The following KIR2DL4 variants were observed in gnomAD, a reference collection of about 807,000 sequenced individuals.
KIR2DL4 encodes the protein killer cell immunoglobulin-like receptor 2DL4.
Under a neutral mutation model 31.0 loss-of-function variants are expected in KIR2DL4, and 41 were observed. That is an observed-to-expected ratio of 1.32 (90% CI 1.03 to 1.72). The LOEUF is 1.72. Ranked by LOEUF, KIR2DL4 falls within the 40% of genes most tolerant of loss-of-function variation. The probability of loss-of-function intolerance (pLI) is 0.00; values close to 1 mark genes in which losing one functional copy is unlikely to be tolerated. For missense variants in KIR2DL4, 438 were observed against 353.7 expected (o/e 1.24, Z -1.91); for synonymous variants, 164 against 133.6 (o/e 1.23, Z -1.57).
chr19:54,808,097 C>T (rs1335145965), intron 4 of KIR2DL4, among the ~76,000 whole-genome samples: 1 of 150,108 alleles, frequency 6.7e-6, no homozygotes, highest in Non-Finnish European at 1.5e-5. Flanking sequence ...GTTATTAATC[C>T]CATCTCAGAT....
chr19:54,811,487 C>G lies in KIR2DL4; in HGVS notation c.707-1638C>G, dbSNP rs549298662. ...TTCCAATCATCATTTTTCTATTTCT[C>G]TATAATGACTTCTTTGATCCTTTAT... is the stretch of plus-strand genomic sequence containing the variant. On this transcript the variant is annotated intron_variant, in intron 5 of 7. Coordinates refer to ENST00000359085, the Ensembl canonical transcript of KIR2DL4. Among the ~76,000 whole-genome samples, 48 of 151,318 alleles carry G rather than the reference C, an allele frequency of 3.2e-4. 1 individual carries two copies. Among genetic ancestry groups the G allele is most frequent in the African/African-American group, 1.1e-3 (46 of 41,062 alleles).
At chr19:54,806,001 G>T in exon 4 of KIR2DL4, 3 of 1,606,638 alleles carry the variant, frequency 1.9e-6, no homozygotes, top group East Asian at 2.2e-5. Flanking sequence ...CACGGTTCGC[G>T]CAGGAGAGAA....
rs1601117806 is a variant in KIR2DL4 at position 54,804,703 on chromosome 19, A to G, written c.77-90A>G. On this transcript the variant is annotated intron_variant, in intron 2 of 7. Coordinates refer to ENST00000359085, the Ensembl canonical transcript of KIR2DL4. ...CACCCAGGTGTGGTAGGAGCCTTAG[A>G]AAGAAGAAATGGGGAGAATCTTCTG... 3 of 1,408,196 alleles carry G rather than the reference A, an allele frequency of 2.1e-6. No individual in the cohort carries two copies. The East Asian group carries it at 6.9e-5, about 32-fold the overall frequency. The allele number at this position is 1,408,196 out of a possible 1,614,324, so 87.2% of individuals were successfully genotyped here.
Position 54,803,794 on chromosome 19 carries a change from A to G in KIR2DL4, c.41-97A>G, listed in dbSNP as rs550507964. ...GTTCTGAAGCAAGTGAGTGGTGAGG[A>G]TGAGTTAATTTTCAGTCCAGCGTGG... On this transcript the variant is annotated intron_variant, in intron 1 of 7. Coordinates refer to ENST00000359085, the Ensembl canonical transcript of KIR2DL4. 46 of 1,565,322 alleles carry G rather than the reference A, an allele frequency of 2.9e-5. No homozygotes were observed. In the East Asian group the frequency reaches 7.6e-4, roughly 26 times the overall value.
intron 5 of KIR2DL4, among the ~76,000 whole-genome samples, chr19:54,812,277 G>C (rs374382428): frequency 1.3e-5 from 2 of 151,456 alleles, no homozygotes; most frequent in Middle Eastern, 3.4e-3. Context: ...GGGTGAGCCA[G>C]TCCCTCAAGG....
At chr19:54,807,357 A>T (rs2060589959) in intron 4 of KIR2DL4, among the ~76,000 whole-genome samples, 1 of 151,424 alleles carries the variant, frequency 6.6e-6, no homozygotes, top group Admixed American at 6.6e-5. Flanking sequence ...ACTTCAATAC[A>T]CTGAAGTCCT....
At chr19:54,813,180 T>C (rs649216) in exon 6 of KIR2DL4, 704,804 of 1,362,288 alleles carry the variant, frequency 0.52, 208,821 homozygotes, top group East Asian at 0.83. Context: ...TCATCCTCTT[T>C]ACCATCCTTC....
intron 3 of KIR2DL4, 89 bp downstream of exon 3, chr19:54,805,166 C>G (rs899562944): frequency 2.3e-5 from 30 of 1,290,542 alleles, no homozygotes; most frequent in Non-Finnish European, 2.8e-5. Context: ...TCCGATCATC[C>G]AGGCCCCAAC....
chr19:54,812,385 C>A (rs1439560513), intron 5 of KIR2DL4, among the ~76,000 whole-genome samples: 4 of 151,410 alleles, frequency 2.6e-5, no homozygotes, highest in Admixed American at 1.3e-4. Context: ...ACCCTGGAGC[C>A]ACAGGGAACA....
At chr19:54,812,059 G>A (rs1311613060) in intron 5 of KIR2DL4, among the ~76,000 whole-genome samples, 1 of 151,196 alleles carries the variant, frequency 6.6e-6, no homozygotes, top group African/African-American at 2.4e-5. Flanking sequence ...TGTGGATGTA[G>A]AAACTGTAAA....
exon 7 of KIR2DL4, chr19:54,813,717 C>G (rs1196393961): frequency 6.2e-7 from 1 of 1,611,864 alleles, no homozygotes; most frequent in East Asian, 2.2e-5. Context: ...CAAGAGCCTG[C>G]GGGACACAGA....
chr19:54,806,553 A>G (rs1156822232), intron 4 of KIR2DL4, among the ~76,000 whole-genome samples: 2 of 151,244 alleles, frequency 1.3e-5, no homozygotes, highest in East Asian at 3.9e-4. Context: ...AACCTTACCC[A>G]TTTCCCAGAA....
In KIR2DL4 at chr19:54,808,801, T is replaced by C. The variant is rs1388960213; in HGVS notation, c.656-32T>C. 4.7e-6 allele frequency: 7 copies of C among 1,480,050 alleles called. No individual in the cohort carries two copies. The East Asian group carries it at 1.6e-4, about 34-fold the overall frequency. The allele number at this position is 1,480,050 out of a possible 1,614,324, so 91.7% of individuals were successfully genotyped here. A position where few individuals can be genotyped will look rare whatever the true frequency, so the allele number is the denominator to read the frequency against. On this transcript the variant is annotated intron_variant, in intron 4 of 7. Transcript: ENST00000359085. Reference sequence around the variant, plus strand: ...ATTGAGTAGAAGACAGGCATCCTCATTGCCACACCTCTCTCCTGTCCCGTG... The same window carrying C: ...ATTGAGTAGAAGACAGGCATCCTCACTGCCACACCTCTCTCCTGTCCCGTG...
At chr19:54,805,607 G>A (rs1199571246) in intron 3 of KIR2DL4, among the ~76,000 whole-genome samples, 1 of 151,304 alleles carries the variant, frequency 6.6e-6, no homozygotes, top group Non-Finnish European at 1.5e-5. Context: ...TCTGATTTCT[G>A]TCTCCAGAAG....
At chr19:54,809,951 T>C (rs1224852828) in intron 5 of KIR2DL4, among the ~76,000 whole-genome samples, 4 of 149,014 alleles carry the variant, frequency 2.7e-5, no homozygotes, top group Non-Finnish European at 5.9e-5. Flanking sequence ...TATTTTGGGG[T>C]GGGGCGGCAT....
chr19:54,814,295 C>T (rs922864320), exon 8 of KIR2DL4: 7 of 656,140 alleles, frequency 1.1e-5, no homozygotes, highest in Non-Finnish European at 1.8e-5. Context: ...TGGCTTACTT[C>T]CTAGTCTACT....
At chr19:54,811,887 A>G (rs1449093795) in intron 5 of KIR2DL4, among the ~76,000 whole-genome samples, 1 of 151,336 alleles carries the variant, frequency 6.6e-6, no homozygotes, top group Non-Finnish European at 1.5e-5. Flanking sequence ...ACAGCAGCCT[A>G]ATATCTGACT....
intron 5 of KIR2DL4, among the ~76,000 whole-genome samples, chr19:54,811,471 T>A (rs1601208342): frequency 6.6e-6 from 1 of 151,254 alleles, no homozygotes; most frequent in Non-Finnish European, 1.5e-5. Flanking sequence ...ATTCCAATCA[T>A]CATTTTTCTA....
At chr19:54,814,000 G>T in exon 8 of KIR2DL4, 1 of 1,612,034 alleles carries the variant, frequency 6.2e-7, no homozygotes, top group Non-Finnish European at 8.5e-7. Context: ...CCAGAGCGTT[G>T]TCTCCTGCCC....
Sources: allele counts gnomAD v4.1 joint callset (sites outside exome capture counted in the v4.1 genomes callset), GRCh38; gene constraint gnomAD v4.1.1; transcripts MANE v1.5; gene names NCBI Gene and HGNC (gene_info 2026-07-23, HGNC 2026-07-21).